CDK6: variants seen among roughly 807,000 people sequenced by gnomAD.
CDK6 encodes cyclin dependent kinase 6.
Under a neutral mutation model 37.1 loss-of-function variants are expected in CDK6, and 6 were observed. The observed-to-expected ratio is 0.16, with a 90% CI of 0.09 to 0.32. The LOEUF (loss-of-function observed/expected upper bound fraction) is 0.32. Among genes scored for constraint, CDK6 ranks in the 10% least tolerant of loss-of-function variants. The pLI, the probability that CDK6 is intolerant of heterozygous loss-of-function variation, is 1.00. For missense variants in CDK6, 224 were observed against 418.9 expected, an observed-to-expected ratio of 0.53 and a Z score of 4.06; for synonymous variants, 160 against 161.3, an observed-to-expected ratio of 0.99 and a Z score of 0.06.
intron 3 of CDK6, among the ~76,000 whole-genome samples, chr7:92,764,971 A>T (rs1241095610): frequency 6.6e-6 from 1 of 152,162 alleles, no homozygotes; most frequent in Admixed American, 6.5e-5. Flanking sequence ...TTTCAACTTA[A>T]TATATATGGG....
chr7:92,676,261 A>G (rs1243173263), intron 4 of CDK6, among the ~76,000 whole-genome samples: 1 of 152,006 alleles, frequency 6.6e-6, no homozygotes, highest in African/African-American at 2.4e-5. Flanking sequence ...TTTAATTTAG[A>G]AAAGTGTTTT....
chr7:92,691,800 GA>G (rs1797605096), intron 4 of CDK6, among the ~76,000 whole-genome samples: 1 of 152,164 alleles, frequency 6.6e-6, no homozygotes, highest in Non-Finnish European at 1.5e-5. Context: ...TGATAAAAAA[GA>G]AAATTTGAGT....
chr7:92,719,704 A>C (rs1380962226), intron 4 of CDK6, among the ~76,000 whole-genome samples: 1 of 152,228 alleles, frequency 6.6e-6, no homozygotes, highest in African/African-American at 2.4e-5. Context: ...CATGAATAGC[A>C]TTAAATGATT....
intron 3 of CDK6, among the ~76,000 whole-genome samples, chr7:92,767,427 C>T (rs550998035): frequency 1.7e-4 from 26 of 152,264 alleles, no homozygotes; most frequent in African/African-American, 3.9e-4. Context: ...AGTAAGATTA[C>T]ACTGAAATCT....
intron 2 of CDK6, among the ~76,000 whole-genome samples, chr7:92,812,807 G>C (rs1800920511): frequency 6.6e-6 from 1 of 152,154 alleles, no homozygotes; most frequent in Non-Finnish European, 1.5e-5. Flanking sequence ...TGGTTCAAAA[G>C]TTTGTTCATG....
chr7:92,821,395 C>T (rs1166561328), intron 2 of CDK6, among the ~76,000 whole-genome samples: 1 of 152,070 alleles, frequency 6.6e-6, no homozygotes, highest in Admixed American at 6.6e-5. Context: ...TGTCTGAATT[C>T]CCCACCTGCT....
chr7:92,609,091 G>A lies in CDK6; in HGVS notation c.*6049C>T, dbSNP rs964840459. 6 of 233,046 alleles carry A rather than the reference G, an allele frequency of 2.6e-5. No homozygotes were observed. The highest frequency in any genetic ancestry group is 5.1e-5 in the Non-Finnish European group (6 of 118,026). The allele number at this position is 233,046 out of a possible 1,614,324, so 14.4% of individuals were successfully genotyped here. ...CAGTTTCTGACTGCCCCTAGTGTAT[G>A]TGGCATTTTGGTTCAGTATGAATTA... On this transcript the variant is annotated 3_prime_UTR_variant, in exon 8 of 8. Transcript: ENST00000424848.
intron 2 of CDK6, among the ~76,000 whole-genome samples, chr7:92,830,236 A>G (rs1369637344): frequency 6.6e-6 from 1 of 152,234 alleles, no homozygotes; most frequent in Non-Finnish European, 1.5e-5. Context: ...GCAGGTAAGC[A>G]AGAATTTCAA....
At chr7:92,680,055 G>A (rs1472663340) in intron 4 of CDK6, among the ~76,000 whole-genome samples, 4 of 151,620 alleles carry the variant, frequency 2.6e-5, no homozygotes, top group Non-Finnish European at 5.9e-5. Flanking sequence ...TTTAAATGAA[G>A]AATATTATAA....
intron 6 of CDK6, among the ~76,000 whole-genome samples, chr7:92,620,755 A>T (rs1316708184): frequency 6.6e-6 from 1 of 152,036 alleles, no homozygotes; most frequent in African/African-American, 2.4e-5. Context: ...AAAAAATATA[A>T]AAATTAGCTG....
intron 3 of CDK6, among the ~76,000 whole-genome samples, chr7:92,733,935 T>G (rs1798712536): frequency 6.6e-6 from 1 of 152,180 alleles, no homozygotes; most frequent in African/African-American, 2.4e-5. Flanking sequence ...TGGCCTCAAG[T>G]TATTTTCCCA....
intron 5 of CDK6, among the ~76,000 whole-genome samples, chr7:92,654,221 A>C (rs2116565796): frequency 6.7e-6 from 1 of 149,588 alleles, no homozygotes; most frequent in African/African-American, 2.5e-5. Context: ...TTTAGAGAGT[A>C]TGTCTTCTAG....
chr7:92,719,266 T>A (rs1489666208), intron 4 of CDK6, among the ~76,000 whole-genome samples: 2 of 152,218 alleles, frequency 1.3e-5, no homozygotes, highest in Non-Finnish European at 2.9e-5. Flanking sequence ...CATTAGCTAT[T>A]CTTCCTGATG....
chr7:92,686,540 G>A (rs1797459003), intron 4 of CDK6, among the ~76,000 whole-genome samples: 3 of 151,948 alleles, frequency 2.0e-5, no homozygotes, highest in Admixed American at 2.0e-4. Context: ...TGACTGATGG[G>A]CATCTGGGCT....
chr7:92,761,210 G>A (rs778749117), intron 3 of CDK6, among the ~76,000 whole-genome samples: 11 of 151,370 alleles, frequency 7.3e-5, no homozygotes, highest in Admixed American at 2.0e-4. Context: ...CTACTGTTTC[G>A]CACTTAGAAA....
intron 5 of CDK6, among the ~76,000 whole-genome samples, chr7:92,660,778 C>G (rs1054575206): frequency 9.2e-5 from 14 of 151,924 alleles, no homozygotes; most frequent in Non-Finnish European, 1.9e-4. Flanking sequence ...CTCTGAGGAC[C>G]CAGCTGGGGG....
rs948325158 is a variant in CDK6, at chr7:92,607,167, GCTCTC to G, written c.*7968_*7972del. The G allele has an allele frequency of 2.3e-4, 54 of 233,482 alleles. No homozygotes were observed. Among genetic ancestry groups the G allele is most frequent in the Non-Finnish European group, 4.0e-4 (47 of 117,958 alleles). The allele number at this position is 233,482 out of a possible 1,614,324, so 14.5% of individuals were successfully genotyped here. On this transcript the variant is annotated 3_prime_UTR_variant, in exon 8 of 8. Transcript: ENST00000424848. The stretch of plus-strand genomic sequence containing the variant: ...GCTTCTACAGAAAAACTCTCACACT[GCTCTC>G]CTCTCAACAGTACTGCCTGTTCCCA...
chr7:92,634,136 A>T (rs1176555717), intron 5 of CDK6, among the ~76,000 whole-genome samples: 1 of 152,060 alleles, frequency 6.6e-6, no homozygotes, highest in East Asian at 1.9e-4. Context: ...GATACTTCCT[A>T]TAGTTTCTTT....
intron 5 of CDK6, among the ~76,000 whole-genome samples, chr7:92,663,343 T>C (rs1339777654): frequency 6.6e-6 from 1 of 152,092 alleles, no homozygotes; most frequent in East Asian, 1.9e-4. Flanking sequence ...GGTCTGGTGG[T>C]GGCTTCTCAA....
Sources: allele counts gnomAD v4.1 joint callset (sites outside exome capture counted in the v4.1 genomes callset), GRCh38; gene constraint gnomAD v4.1.1; transcripts MANE v1.5; gene names NCBI Gene and HGNC (gene_info 2026-07-23, HGNC 2026-07-21).